Variants in SPATA46 observed in about 807,000 individuals in gnomAD.
SPATA46 encodes the protein spermatogenesis-associated protein 46.
SPATA46 carries 3 observed loss-of-function variants against 6.2 expected under a neutral mutation model. The ratio of observed to expected loss-of-function variants is 0.48; its 90% CI spans 0.22 to 1.25. SPATA46 has a LOEUF of 1.25. SPATA46 is among the 50% of genes most tolerant of loss of function. SPATA46 has a pLI of 0.20. For synonymous variants in SPATA46, 117 were observed against 123.3 expected (o/e 0.95, Z 0.34); for missense variants, 308 against 323.5 (o/e 0.95, Z 0.37).
rs1368603936 is a variant in SPATA46, at chr1:162,375,330, G to A, written c.177C>T (p.Ile59=). The A allele has an allele frequency of 1.2e-6, 2 of 1,614,040 alleles. No individual in the cohort carries two copies. The highest frequency in any genetic ancestry group is 1.7e-6 in the Non-Finnish European group (2 of 1,180,028). The part of the protein sequence containing the change: ...AQALPPQYQS[I]IVRQGIQNTA... ...TGTTCTGTATCCCTTGCCTGACAAT[G>A]ATGCTTTGGTACTGGGGTGGCAGGG... The change falls in exon 2 of 3, where the codon ATC becomes ATT. Residue 59 remains isoleucine (I), a synonymous_variant. Transcript: ENST00000367935.
rs1329672728 is a variant in SPATA46 at position 162,374,799 on chromosome 1, T to C, written c.218-183A>G. ...AGCAGCCGAGGGCATTCCTTCTCAC[T>C]GCATTCTTTTTCTAGGGGTACAAAG... On this transcript the variant is annotated intron_variant, in intron 2 of 2. Transcript: ENST00000367935. 2.0e-5 allele frequency among the ~76,000 whole-genome samples: 3 copies of C among 152,212 alleles called. No homozygotes were observed. In the East Asian group the frequency reaches 5.8e-4, roughly 29 times the overall value.
intron 1 of SPATA46, among the ~76,000 whole-genome samples, 155 bp from the exon 2 acceptor site, chr1:162,375,558 A>T: frequency 6.6e-6 from 1 of 152,184 alleles, no homozygotes. Flanking sequence ...AGGCAGAGCT[A>T]TTCTGGATGA....
chr1:162,374,518 C>T lies in SPATA46; in HGVS notation c.316G>A (p.Asp106Asn), dbSNP rs765688142. Reference sequence around the variant, plus strand: ...TAGGCCTCCAGCTGGCTCTCTTTGTCTGCACACACGAAGTAGCTGTAGGGG... The same window carrying T: ...TAGGCCTCCAGCTGGCTCTCTTTGTTTGCACACACGAAGTAGCTGTAGGGG... ...FSPYSYFVCA[D>N]KESQLEAYDF... Residue 106 changes from aspartate (D) to asparagine (N), a missense_variant, in exon 3 of 3, where the codon GAC becomes AAC. Coordinates refer to ENST00000367935, the MANE Select transcript of SPATA46 (RefSeq NM_182581.4). 1 of 1,614,234 alleles carries T rather than the reference C, an allele frequency of 6.2e-7. No homozygotes were observed. Among genetic ancestry groups the T allele is most frequent in the Non-Finnish European group, 8.5e-7 (1 of 1,180,044 alleles).
intron 2 of SPATA46, 110 bp from the exon 3 acceptor site, chr1:162,374,726 A>C (rs1571258139): frequency 1.8e-6 from 2 of 1,108,890 alleles, no homozygotes; most frequent in South Asian, 3.1e-5. Flanking sequence ...GGTTACCTCC[A>C]CCCCACCACG....
chr1:162,375,471 G>T, intron 1 of SPATA46, 68 bp from the exon 2 acceptor site: 2 of 1,246,850 alleles, frequency 1.6e-6, no homozygotes, highest in Non-Finnish European at 2.4e-6. Flanking sequence ...ACTCCCCCAG[G>T]CATACCTAGG....
In SPATA46 at chr1:162,373,872, C is replaced by T. The variant is rs1647518659; in HGVS notation, c.*176G>A. ...GAACCTCTATCTTAGATGATTTTCCCAAACTTCAAGTATTGTCTTTATTTT... is the reference window on the plus strand; with the variant it reads ...GAACCTCTATCTTAGATGATTTTCCTAAACTTCAAGTATTGTCTTTATTTT... On this transcript the variant is annotated 3_prime_UTR_variant, in exon 3 of 3. Transcript: ENST00000367935. 4.2e-6 allele frequency: 3 copies of T among 721,288 alleles called. No homozygotes were observed. The African/African-American group carries it at 5.3e-5, about 13-fold the overall frequency. The allele number at this position is 721,288 out of a possible 1,614,324, so 44.7% of individuals were successfully genotyped here.
intron 1 of SPATA46, 177 bp downstream of exon 1, chr1:162,376,511 C>A: frequency 9.8e-6 from 6 of 609,572 alleles, no homozygotes; most frequent in South Asian, 7.0e-5. Context: ...TACCAAAAAT[C>A]AATACACAGC....
rs201331788 is a variant in SPATA46 at position 162,374,072 on chromosome 1, G to A, written c.762C>T (p.Gly254=). 7.5e-6 allele frequency: 12 copies of A among 1,609,248 alleles called. No homozygotes were observed. The highest frequency in any genetic ancestry group is 4.0e-5 in the African/African-American group (3 of 74,920). ...TCTAGAGACATAAGTAGGCTTCACC[G>A]CCAATTTGCCTAAGGTGTTCAGCAG... ...NSPAEHLRQI[G]GEAYLCL Residue 254 remains glycine (G), a synonymous_variant, in exon 3 of 3, where the codon GGC becomes GGT. Transcript: ENST00000367935.
rs931902129 is a variant in SPATA46, at chr1:162,374,302, C to T, written c.532G>A (p.Ala178Thr). 3.1e-6 allele frequency: 5 copies of T among 1,614,166 alleles called. No individual in the cohort carries two copies. Among genetic ancestry groups the T allele is most frequent in the Non-Finnish European group, 4.2e-6 (5 of 1,179,990 alleles). ...DILMASRWHP[A>T]QQNGYKCVAC... ...ACGCACTTGTAGCCATTCTGCTGTGCTGGGTGCCACCTGGAAGCCATTAGG... is the reference window on the plus strand; with the variant it reads ...ACGCACTTGTAGCCATTCTGCTGTGTTGGGTGCCACCTGGAAGCCATTAGG... Residue 178 changes from alanine to threonine, a missense_variant, in exon 3 of 3, where the codon GCA becomes ACA. Physicochemically the swap from Ala to Thr is moderately conservative, Grantham distance 58. Coordinates refer to ENST00000367935, the MANE Select transcript of SPATA46 (RefSeq NM_182581.4).
At chr1:162,376,457 ACT>A (rs1368402543) in intron 1 of SPATA46, 8 of 420,902 alleles carry the variant, frequency 1.9e-5, no homozygotes, top group Non-Finnish European at 2.5e-5. Flanking sequence ...CAGGAGTGAA[ACT>A]CTGTCTCAAA....
rs1478868357 is a variant in SPATA46, at chr1:162,376,537, C to G, written c.103+151G>C. ...AATACACAGCAGTAACTACTTACCACAAATGCAGCATTTTGAAAAATTATT... is the reference window on the plus strand; with the variant it reads ...AATACACAGCAGTAACTACTTACCAGAAATGCAGCATTTTGAAAAATTATT... On this transcript the variant is annotated intron_variant, in intron 1 of 2. Transcript: ENST00000367935. 7.7e-6 allele frequency: 6 copies of G among 783,614 alleles called. No homozygotes were observed. The African/African-American group carries it at 1.1e-4, about 14-fold the overall frequency. 48.5% of individuals were successfully genotyped at this position (783,614 alleles called of 1,614,324 possible).
chr1:162,376,501 T>A, intron 1 of SPATA46, 187 bp downstream of exon 1: 1 of 602,146 alleles, frequency 1.7e-6, no homozygotes, highest in Non-Finnish European at 2.8e-6. Flanking sequence ...TTTCTTCCCT[T>A]ACCAAAAATC....
At chr1:162,374,888 C>T (rs971719547) in intron 2 of SPATA46, among the ~76,000 whole-genome samples, 2 of 152,120 alleles carry the variant, frequency 1.3e-5, no homozygotes, top group Non-Finnish European at 2.9e-5. Context: ...TTTGTCGAGG[C>T]CTTCCCCTCC....
intron 1 of SPATA46, chr1:162,376,481 AG>A: frequency 4.8e-6 from 2 of 415,128 alleles, no homozygotes; most frequent in Non-Finnish European, 8.5e-6. Flanking sequence ...AAAAAAAAAA[AG>A]TTTTCCCCTT....
Position 162,374,295 on chromosome 1 carries a change from T to G in SPATA46, c.539A>C (p.Gln180Pro), listed in dbSNP as rs1029736776. Reference protein sequence around the residue: ...LMASRWHPAQQNGYKCVACCR... With the variant: ...LMASRWHPAQPNGYKCVACCR... ...GCAGGCCACGCACTTGTAGCCATTC[T>G]GCTGTGCTGGGTGCCACCTGGAAGC... The change falls in exon 3 of 3, where the codon CAG (glutamine) becomes CCG (proline). Residue 180 changes from glutamine to proline, a missense_variant. Gln to Pro is a moderately conservative substitution (Grantham distance 76, BLOSUM62 -1). Transcript: ENST00000367935. 5.6e-6 allele frequency: 9 copies of G among 1,614,200 alleles called. No homozygotes were observed. The highest frequency in any genetic ancestry group is 7.6e-6 in the Non-Finnish European group (9 of 1,179,994).
intron 2 of SPATA46, 121 bp downstream of exon 2, chr1:162,375,169 G>T (rs1253389814): frequency 3.8e-6 from 3 of 795,980 alleles, no homozygotes; most frequent in South Asian, 3.2e-5. Flanking sequence ...ATAGGAGGCT[G>T]CAGGTGACAA....
rs758260919 is a variant in SPATA46, at chr1:162,375,397, G to T, written c.110C>A (p.Ala37Glu). The T allele has an allele frequency of 6.2e-7, 1 of 1,613,712 alleles. No homozygotes were observed. Among genetic ancestry groups the T allele is most frequent in the Admixed American group, 1.7e-5 (1 of 59,986 alleles). ...TGCCTCAGTGGGTACTGCTGTCTTT[G>T]CAATGTCTGGGTTATAGAAGAAACA... ...FSRATSLPDI[A>E]KTAVPTEASS... is the part of the protein sequence containing the mutation. The change falls in exon 2 of 3, where the codon GCA (alanine) becomes GAA (glutamate). Residue 37 changes from alanine (A) to glutamate (E), a missense_variant. Ala to Glu is a moderately radical substitution (Grantham distance 107). Coordinates refer to ENST00000367935, the MANE Select transcript of SPATA46 (RefSeq NM_182581.4).
At position 162,375,411 on chromosome 1, in the gene SPATA46, A is replaced by C. The variant is rs374064131; in HGVS notation, c.104-8T>G. On this transcript the variant is annotated splice_region_variant and splice_polypyrimidine_tract_variant and intron_variant, in intron 1 of 2. Coordinates refer to ENST00000367935, the MANE Select transcript of SPATA46 (RefSeq NM_182581.4). Reference sequence around the variant, plus strand: ...CTGCTGTCTTTGCAATGTCTGGGTTATAGAAGAAACACTGGTGAGCTGAGC... The same window carrying C: ...CTGCTGTCTTTGCAATGTCTGGGTTCTAGAAGAAACACTGGTGAGCTGAGC... 2 of 1,612,294 alleles carry C rather than the reference A, an allele frequency of 1.2e-6. No homozygotes were observed. Among genetic ancestry groups the C allele is most frequent in the Non-Finnish European group, 1.7e-6 (2 of 1,178,372 alleles).
rs555884798 is a variant in SPATA46, at chr1:162,374,275, C to T, written c.559G>A (p.Ala187Thr). The T allele has an allele frequency of 2.5e-6, 4 of 1,613,980 alleles. No individual in the cohort carries two copies. In the South Asian group the frequency reaches 4.4e-5, roughly 18 times the overall value. ...PAQQNGYKCV[A>T]CCRMYPTLDF... Reference sequence around the variant, plus strand: ...AGGGTGGGGTACATGCGGCAGCAGGCCACGCACTTGTAGCCATTCTGCTGT... The same window carrying T: ...AGGGTGGGGTACATGCGGCAGCAGGTCACGCACTTGTAGCCATTCTGCTGT... Residue 187 changes from alanine to threonine, a missense_variant, in exon 3 of 3, where the codon GCC becomes ACC. Transcript: ENST00000367935.
Sources: gnomAD v4.1 joint callset for allele counts (sites outside exome capture counted in the v4.1 genomes callset) on GRCh38, gnomAD v4.1.1 for gene constraint, MANE v1.5 for transcripts, NCBI Gene and HGNC (gene_info 2026-07-23, HGNC 2026-07-21) for gene names.